Variants in C1QTNF7 observed in about 807,000 individuals in gnomAD.
The protein encoded by C1QTNF7 is complement C1q tumor necrosis factor-related protein 7.
Under a neutral mutation model 19.6 loss-of-function variants are expected in C1QTNF7, and 15 were observed. That is an observed-to-expected ratio of 0.76 (90% confidence interval 0.51 to 1.18). The LOEUF (loss-of-function observed/expected upper bound fraction) is 1.18, where lower values mean the gene tolerates loss of function less well. Among genes scored for constraint, C1QTNF7 ranks in the 50% most tolerant of loss-of-function variants. C1QTNF7 has a pLI of 0.00. For synonymous variants in C1QTNF7, 142 were observed against 137.5 expected (o/e 1.03, Z -0.23); for missense variants, 324 against 359.7 (o/e 0.90, Z 0.80).
At chr4:15,375,760 C>G (rs1181382536) in intron 1 of C1QTNF7, among the ~76,000 whole-genome samples, 3 of 152,124 alleles carry the variant, frequency 2.0e-5, no homozygotes, top group Non-Finnish European at 2.9e-5. Flanking sequence ...AATAAGACCC[C>G]ACACCCTCAG....
chr4:15,353,705 A>G (rs1577229998), intron 1 of C1QTNF7, among the ~76,000 whole-genome samples: 2 of 151,970 alleles, frequency 1.3e-5, no homozygotes, highest in Admixed American at 1.3e-4. Context: ...CATTCTTCCA[A>G]TTACCCCTCA....
chr4:15,435,316 T>TAA (rs1301239754), intron 1 of C1QTNF7, among the ~76,000 whole-genome samples: 1 of 152,216 alleles, frequency 6.6e-6, no homozygotes, highest in Non-Finnish European at 1.5e-5. Context: ...ACTGGAAGGA[T>TAA]ATATATACTA....
chr4:15,431,199 T>A (rs1262049257), intron 1 of C1QTNF7, among the ~76,000 whole-genome samples: 2 of 152,190 alleles, frequency 1.3e-5, no homozygotes, highest in East Asian at 3.8e-4. Flanking sequence ...CACATCTATA[T>A]GATGGATTTT....
chr4:15,354,635 C>A (rs1717065856), intron 1 of C1QTNF7, among the ~76,000 whole-genome samples: 1 of 152,052 alleles, frequency 6.6e-6, no homozygotes. Context: ...TGGTCTAAAT[C>A]CCTGGACTTT....
At chr4:15,357,222 G>A (rs958414499) in intron 1 of C1QTNF7, among the ~76,000 whole-genome samples, 3 of 152,158 alleles carry the variant, frequency 2.0e-5, no homozygotes, top group Non-Finnish European at 4.4e-5. Context: ...GGGTTTTTGT[G>A]GTGTTAGGTC....
intron 1 of C1QTNF7, among the ~76,000 whole-genome samples, chr4:15,431,110 A>G (rs966850808): frequency 2.6e-5 from 4 of 152,138 alleles, no homozygotes; most frequent in Non-Finnish European, 5.9e-5. Context: ...AGATAGATTC[A>G]TTGCACCATT....
intron 1 of C1QTNF7, chr4:15,340,348 A>C: frequency 8.8e-7 from 1 of 1,134,422 alleles, no homozygotes; most frequent in Non-Finnish European, 1.3e-6. Flanking sequence ...ATGATAAATC[A>C]GAGGTTAGAA....
intron 1 of C1QTNF7, among the ~76,000 whole-genome samples, chr4:15,396,643 T>C (rs757891882): frequency 6.6e-6 from 1 of 151,854 alleles, no homozygotes; most frequent in Non-Finnish European, 1.5e-5. Context: ...AAAAAAGGTG[T>C]GTTATTGAGT....
chr4:15,407,865 G>T (rs1045561283), intron 1 of C1QTNF7, among the ~76,000 whole-genome samples: 1 of 152,146 alleles, frequency 6.6e-6, no homozygotes, highest in Admixed American at 6.5e-5. Flanking sequence ...GGCGGAGGTT[G>T]CAGTGAGCCC....
chr4:15,387,692 A>G (rs1433028629), intron 1 of C1QTNF7, among the ~76,000 whole-genome samples: 1 of 152,208 alleles, frequency 6.6e-6, no homozygotes, highest in Non-Finnish European at 1.5e-5. Context: ...GGACTTTGAG[A>G]TGAAAGGGAA....
rs74882405 is a variant in C1QTNF7 at position 15,348,585 on chromosome 4, C to T, written c.13+8378C>T. ...CATCAGTAAATAGGCAGGGCAGAGA[C>T]CCCAGAGACTTAGGTTGCATGCCTT... On this transcript the variant is annotated intron_variant, in intron 1 of 2. Coordinates refer to the C1QTNF7 transcript ENST00000295297. 1.6e-3 allele frequency among the ~76,000 whole-genome samples: 248 copies of T among 152,214 alleles called. 2 individuals are homozygous for T. Among genetic ancestry groups the T allele is most frequent in the East Asian group, 7.0e-3 (36 of 5,160 alleles).
chr4:15,392,741 A>G (rs750574458), intron 1 of C1QTNF7, among the ~76,000 whole-genome samples: 44 of 152,070 alleles, frequency 2.9e-4, no homozygotes, highest in Non-Finnish European at 3.2e-4. Flanking sequence ...TTTCTCCCTC[A>G]CCTAGCAAAA....
At chr4:15,412,598 C>A (rs1355357064) in intron 1 of C1QTNF7, among the ~76,000 whole-genome samples, 1 of 152,126 alleles carries the variant, frequency 6.6e-6, no homozygotes, top group Non-Finnish European at 1.5e-5. Flanking sequence ...GGATAACCAG[C>A]CCACCTCAAG....
intron 1 of C1QTNF7, among the ~76,000 whole-genome samples, chr4:15,394,810 AC>A (rs1213883490): frequency 6.6e-6 from 1 of 151,552 alleles, no homozygotes; most frequent in Non-Finnish European, 1.5e-5. Flanking sequence ...TGGCCCTGGT[AC>A]TTTTTTACCT....
At position 15,442,978 on chromosome 4, in the gene C1QTNF7, A is replaced by T; in HGVS notation, c.*179A>T. On this transcript the variant is annotated 3_prime_UTR_variant, in exon 3 of 3. Transcript: ENST00000444304. ...GAAAAGTTGAAACCACAACAAAATG[A>T]ATTCTATTAAAGAATAGCCCCAGAT... The T allele has an allele frequency of 1.8e-6, 1 of 547,102 alleles. No individual in the cohort carries two copies. Among genetic ancestry groups the T allele is most frequent in the Non-Finnish European group, 3.0e-6 (1 of 331,238 alleles). The allele number at this position is 547,102 out of a possible 1,614,324, so 33.9% of individuals were successfully genotyped here.
rs1716924526 is a variant in C1QTNF7 at position 15,351,220 on chromosome 4, G to T, written c.13+11013G>T. Among the ~76,000 whole-genome samples, 3 of 152,212 alleles carry T rather than the reference G, an allele frequency of 2.0e-5. No homozygotes were observed. The South Asian group carries it at 6.2e-4, about 32-fold the overall frequency. ...GTATTGTTAAAATCATAAAATATAA[G>T]ATTTTCTTTTCTGTCTTCTTCCGTC... is the stretch of plus-strand genomic sequence containing the variant. On this transcript the variant is annotated intron_variant, in intron 1 of 2. Transcript: ENST00000295297.
At chr4:15,381,033 A>C (rs1250658952) in intron 1 of C1QTNF7, among the ~76,000 whole-genome samples, 1 of 152,242 alleles carries the variant, frequency 6.6e-6, no homozygotes, top group Non-Finnish European at 1.5e-5. Context: ...TATGCCATAA[A>C]TTCCTATTTC....
chr4:15,390,816 C>T (rs1004168273), intron 1 of C1QTNF7, among the ~76,000 whole-genome samples: 5 of 152,096 alleles, frequency 3.3e-5, no homozygotes, highest in Admixed American at 1.3e-4. Flanking sequence ...CTCCCAATAA[C>T]GTTCTAATCT....
At chr4:15,340,189 T>A (rs991178789) in exon 1 of C1QTNF7, 1 of 1,551,672 alleles carries the variant, frequency 6.4e-7, no homozygotes, top group Admixed American at 2.0e-5. Flanking sequence ...AAGTTTGATA[T>A]CAGCAATGTC....
Sources: allele counts gnomAD v4.1 joint callset (sites outside exome capture counted in the v4.1 genomes callset), GRCh38; gene constraint gnomAD v4.1.1; transcripts MANE v1.5; gene names NCBI Gene and HGNC (gene_info 2026-07-23, HGNC 2026-07-21).